Variants in MYO1D observed in about 807,000 individuals in gnomAD.
The protein encoded by MYO1D is myosin ID.
A neutral mutation model predicts 122.0 loss-of-function variants in MYO1D; 83 were observed. The observed-to-expected ratio is 0.68, with a 90% CI of 0.57 to 0.82. The LOEUF is 0.82. Among genes scored for constraint, MYO1D ranks in the 40% least tolerant of loss-of-function variants. MYO1D has a pLI of 0.00. For synonymous variants in MYO1D, 464 were observed against 446.9 expected, an observed-to-expected ratio of 1.04 and a Z score of -0.48; for missense variants, 1,157 against 1,269.5, an observed-to-expected ratio of 0.91 and a Z score of 1.35.
At chr17:32,738,212 T>C in intron 14 of MYO1D, 41 bp downstream of exon 14, 1 of 1,508,924 alleles carries the variant, frequency 6.6e-7, no homozygotes, top group Non-Finnish European at 9.0e-7. Context: ...CAAGAGGAAA[T>C]CTATGAGTTA....
At chr17:32,777,765 C>G (rs2090191124) in intron 3 of MYO1D, among the ~76,000 whole-genome samples, 2 of 151,792 alleles carry the variant, frequency 1.3e-5, no homozygotes, top group South Asian at 4.2e-4. Context: ...AACCCCGTCT[C>G]TACTAAAAAC....
chr17:32,791,963 A>T (rs546351763), intron 1 of MYO1D, among the ~76,000 whole-genome samples: 1 of 151,540 alleles, frequency 6.6e-6, no homozygotes, highest in African/African-American at 2.4e-5. Flanking sequence ...ATGAATGGCA[A>T]TTTTTTTTTC....
intron 20 of MYO1D, among the ~76,000 whole-genome samples, chr17:32,624,340 T>C (rs948631098): frequency 1.5e-4 from 22 of 151,170 alleles, no homozygotes; most frequent in Admixed American, 1.3e-3. Context: ...GTGTTAACCA[T>C]TGCGCCCGGC....
At chr17:32,541,732 C>G (rs985493085) in intron 21 of MYO1D, among the ~76,000 whole-genome samples, 2 of 152,132 alleles carry the variant, frequency 1.3e-5, no homozygotes, top group African/African-American at 4.8e-5. Flanking sequence ...AGTAGGTACT[C>G]GATGTGTGCA....
intron 16 of MYO1D, among the ~76,000 whole-genome samples, chr17:32,669,276 A>T (rs1007108299): frequency 6.6e-6 from 1 of 152,114 alleles, no homozygotes; most frequent in Non-Finnish European, 1.5e-5. Context: ...AGATAAGAAC[A>T]CTCTCACCAC....
chr17:32,563,220 T>TTTTTTTTTTTTTTTTTTTTTTTTTC (rs2087142695), intron 21 of MYO1D, among the ~76,000 whole-genome samples: 1 of 142,686 alleles, frequency 7.0e-6, no homozygotes, highest in Non-Finnish European at 1.5e-5. Context: ...TTTTTTTTTT[T>TTTTTTTTTTTTTTTTTTTTTTTTTC]TTTTTTTGAG....
intron 15 of MYO1D, among the ~76,000 whole-genome samples, chr17:32,717,428 A>T (rs1020359587): frequency 2.0e-5 from 3 of 152,224 alleles, no homozygotes; most frequent in African/African-American, 4.8e-5. Context: ...TTTAACAAAA[A>T]GTTTTACAGA....
chr17:32,846,736 T>C (rs1377298124), intron 1 of MYO1D, among the ~76,000 whole-genome samples: 1 of 152,124 alleles, frequency 6.6e-6, no homozygotes, highest in Admixed American at 6.5e-5. Flanking sequence ...TCCCAGCACT[T>C]TGGGAAGCCG....
chr17:32,665,732 T>G (rs2088627323), intron 16 of MYO1D, among the ~76,000 whole-genome samples: 3 of 152,214 alleles, frequency 2.0e-5, no homozygotes, highest in African/African-American at 7.2e-5. Flanking sequence ...TAGGGATCGT[T>G]GGCCCTCCAC....
intron 16 of MYO1D, among the ~76,000 whole-genome samples, chr17:32,697,212 T>C (rs2089184393): frequency 6.6e-6 from 1 of 152,228 alleles, no homozygotes; most frequent in Non-Finnish European, 1.5e-5. Context: ...TTCCTTTTCA[T>C]GTTTCCATTC....
chr17:32,555,872 T>C (rs1172762279), intron 21 of MYO1D, among the ~76,000 whole-genome samples: 1 of 152,226 alleles, frequency 6.6e-6, no homozygotes, highest in Non-Finnish European at 1.5e-5. Flanking sequence ...CCTGACTGGG[T>C]TGGTCTTCAC....
At chr17:32,591,701 TC>T (rs1400589975) in intron 21 of MYO1D, among the ~76,000 whole-genome samples, 1 of 152,002 alleles carries the variant, frequency 6.6e-6, no homozygotes, top group Non-Finnish European at 1.5e-5. Context: ...CGCAATGGCA[TC>T]AGCAAATTGG....
In MYO1D at chr17:32,520,449, A is replaced by C. The variant is rs563122673; in HGVS notation, c.2865-25534T>G. ...TTTTGAAAACTCAGCGAATAGCAAAACGGGGGCAGGAACATAGGTCTTTTT... is the reference window on the plus strand; with the variant it reads ...TTTTGAAAACTCAGCGAATAGCAAACCGGGGGCAGGAACATAGGTCTTTTT... On this transcript the variant is annotated intron_variant, in intron 21 of 21. Coordinates refer to ENST00000318217, the MANE Select transcript of MYO1D (RefSeq NM_015194.3). Among the ~76,000 whole-genome samples, 22 of 152,344 alleles carry C rather than the reference A, an allele frequency of 1.4e-4. No homozygotes were observed. In the South Asian group the frequency reaches 4.4e-3, roughly 30 times the overall value.
intron 1 of MYO1D, among the ~76,000 whole-genome samples, chr17:32,811,076 G>C (rs2090568167): frequency 6.6e-6 from 1 of 152,188 alleles, no homozygotes; most frequent in Non-Finnish European, 1.5e-5. Context: ...GGCACCAAAG[G>C]ATGAGGAAGA....
intron 11 of MYO1D, 76 bp downstream of exon 11, chr17:32,755,415 AT>A: frequency 7.0e-7 from 1 of 1,420,036 alleles, no homozygotes; most frequent in Non-Finnish European, 9.7e-7. Flanking sequence ...ATCCCAACAT[AT>A]AAAGTCGTTG....
At chr17:32,513,462 G>GAA (rs1909766390) in intron 21 of MYO1D, among the ~76,000 whole-genome samples, 1 of 152,190 alleles carries the variant, frequency 6.6e-6, no homozygotes. Flanking sequence ...TTTTTGGACA[G>GAA]TGTTGAGTTT....
In MYO1D at chr17:32,493,308, G is replaced by T. The variant is rs1908955708; in HGVS notation, c.*1451C>A. On this transcript the variant is annotated 3_prime_UTR_variant, in exon 22 of 22. Coordinates refer to ENST00000318217, the MANE Select transcript of MYO1D (RefSeq NM_015194.3). ...AAGCAGGGATGGGGAGTGGGCATGA[G>T]ACCGGGTTGTTGGGACCACTCTGGG... The T allele has an allele frequency of 1.3e-5, 2 of 152,326 alleles. No homozygotes were observed. The highest frequency in any genetic ancestry group is 1.5e-5 in the Non-Finnish European group (1 of 68,104). The allele number at this position is 152,326 out of a possible 1,614,324, so 9.4% of individuals were successfully genotyped here.
chr17:32,531,107 C>CCTG (rs1910496550), intron 21 of MYO1D: 1 of 152,374 alleles, frequency 6.6e-6, no homozygotes, highest in Admixed American at 6.5e-5. Context: ...AATCCCAGGA[C>CCTG]CTGCTCCCTC....
At chr17:32,553,077 CAA>C (rs200769034) in intron 21 of MYO1D, among the ~76,000 whole-genome samples, 74 of 105,830 alleles carry the variant, frequency 7.0e-4, no homozygotes, top group African/African-American at 2.9e-3. Flanking sequence ...TTCTCTAAGA[CAA>C]AAAAAAAAAA....
Sources: gnomAD v4.1 joint callset for allele counts (sites outside exome capture counted in the v4.1 genomes callset) on GRCh38, gnomAD v4.1.1 for gene constraint, MANE v1.5 for transcripts, NCBI Gene and HGNC (gene_info 2026-07-23, HGNC 2026-07-21) for gene names.